CPLX1: variants seen among roughly 807,000 people sequenced by gnomAD.
CPLX1 encodes the protein complexin-1.
CPLX1 carries 6 observed loss-of-function variants against 15.6 expected under a neutral mutation model. The ratio of observed to expected loss-of-function variants is 0.39; its 90% CI spans 0.21 to 0.76. The LOEUF (loss-of-function observed/expected upper bound fraction) is 0.76, where lower values mean the gene tolerates loss of function less well. Ranked by LOEUF, CPLX1 falls within the 30% of genes least tolerant of loss-of-function variation. The pLI is 0.43. For synonymous variants in CPLX1, 91 were observed against 75.2 expected (o/e 1.21, Z -1.08); for missense variants, 242 against 188.6 (o/e 1.28, Z -1.66).
chr4:812,694 G>A (rs1349548731), intron 2 of CPLX1, among the ~76,000 whole-genome samples: 4 of 152,128 alleles, frequency 2.6e-5, no homozygotes, highest in Non-Finnish European at 5.9e-5. Context: ...GGCCAGGCAC[G>A]GTGGCTCACG....
chr4:807,460 T>C (rs989091298), intron 2 of CPLX1, among the ~76,000 whole-genome samples: 1 of 152,094 alleles, frequency 6.6e-6, no homozygotes, highest in African/African-American at 2.4e-5. Flanking sequence ...ATCCTGCACA[T>C]GTATCCCGGA....
Position 804,922 on chromosome 4 carries a change from T to C in CPLX1, c.32-12314A>G, listed in dbSNP as rs537343889. On this transcript the variant is annotated intron_variant, in intron 2 of 3. Coordinates refer to ENST00000304062, the MANE Select transcript of CPLX1 (RefSeq NM_006651.4). ...GGCAGCCATTTTGGAACGCAGTGCG[T>C]CGCCGCGAGCACGTGCGGAGTTCAC... The C allele has an allele frequency of 2.7e-3, 2,509 of 922,776 alleles. 6 individuals carry two copies. The highest frequency in any genetic ancestry group is 3.1e-3 in the Non-Finnish European group (2,401 of 773,626). 57.2% of individuals were successfully genotyped at this position (922,776 alleles called of 1,614,324 possible). A position where few individuals can be genotyped will look rare whatever the true frequency, so the allele number is the denominator to read the frequency against.
intron 3 of CPLX1, chr4:787,789 C>T (rs73222839): frequency 3.0e-5 from 30 of 985,206 alleles, no homozygotes; most frequent in African/African-American, 3.5e-5. Flanking sequence ...CCAGCCCTCC[C>T]GTGAGCCACC....
At chr4:790,916 C>T (rs1165242296) in intron 3 of CPLX1, among the ~76,000 whole-genome samples, 2 of 146,414 alleles carry the variant, frequency 1.4e-5, no homozygotes, top group Non-Finnish European at 1.5e-5. Context: ...TCTCTCTCCC[C>T]TCTCTCTTTC....
At chr4:820,731 C>A (rs1168058273) in intron 2 of CPLX1, among the ~76,000 whole-genome samples, 1 of 106,822 alleles carries the variant, frequency 9.4e-6, no homozygotes, top group Non-Finnish European at 2.2e-5. Flanking sequence ...CCCAACTGCA[C>A]CCCTCACCAG....
At chr4:824,450 A>C in intron 2 of CPLX1, 42 bp downstream of exon 2, 1 of 1,574,202 alleles carries the variant, frequency 6.4e-7, no homozygotes, top group Non-Finnish European at 8.7e-7. Flanking sequence ...TGGTCTCTCC[A>C]TGTCCCCTCA....
At chr4:796,988 G>C (rs528947303) in intron 2 of CPLX1, among the ~76,000 whole-genome samples, 1 of 152,342 alleles carries the variant, frequency 6.6e-6, no homozygotes, top group East Asian at 1.9e-4. Flanking sequence ...ACCAGAGACA[G>C]AGGTGGAGGC....
At chr4:811,676 AAAG>A (rs1275489106) in intron 2 of CPLX1, among the ~76,000 whole-genome samples, 2 of 152,220 alleles carry the variant, frequency 1.3e-5, no homozygotes, top group Non-Finnish European at 2.9e-5. Context: ...GTGTGCCTGA[AAAG>A]AAGAAGGACT....
intron 2 of CPLX1, among the ~76,000 whole-genome samples, chr4:801,563 CTG>C (rs946140584): frequency 1.3e-5 from 2 of 152,246 alleles, no homozygotes; most frequent in Non-Finnish European, 2.9e-5. Context: ...ATACTCACCA[CTG>C]TGTTACAACT....
chr4:820,628 G>A (rs1291695094), intron 2 of CPLX1, among the ~76,000 whole-genome samples: 1 of 152,134 alleles, frequency 6.6e-6, no homozygotes, highest in Non-Finnish European at 1.5e-5. Flanking sequence ...GGAGGGCTGG[G>A]GGAGATGCTG....
intron 3 of CPLX1, among the ~76,000 whole-genome samples, chr4:791,298 G>A (rs763145985): frequency 1.1e-4 from 16 of 151,558 alleles, no homozygotes; most frequent in Non-Finnish European, 2.2e-4. Flanking sequence ...CAGGGCGCCC[G>A]GCCCCCACTC....
intron 2 of CPLX1, among the ~76,000 whole-genome samples, chr4:796,611 G>A (rs1391876381): frequency 1.3e-5 from 2 of 152,164 alleles, no homozygotes; most frequent in East Asian, 1.9e-4. Flanking sequence ...ATGGAAAAAT[G>A]CTTTTTAACT....
chr4:818,810 T>C (rs11248042), intron 2 of CPLX1, among the ~76,000 whole-genome samples: 54,634 of 152,152 alleles, frequency 0.36, 10,259 homozygotes, highest in East Asian at 0.62. Flanking sequence ...ATTGAAGAGC[T>C]GGGCGCTCGG....
intron 2 of CPLX1, among the ~76,000 whole-genome samples, chr4:810,055 T>TC (rs1483926774): frequency 6.8e-6 from 1 of 148,006 alleles, no homozygotes; most frequent in Non-Finnish European, 1.5e-5. Context: ...TTCTTTTTTT[T>TC]TTTTTTTTTT....
rs190289613 is a variant in CPLX1 at position 823,568 on chromosome 4, C to T, written c.31+924G>A. On this transcript the variant is annotated intron_variant, in intron 2 of 3. Coordinates refer to ENST00000304062, the MANE Select transcript of CPLX1 (RefSeq NM_006651.4). ...AGACGTCTCTAGTGGTAGAATCGGG[C>T]ACCGGCCACAGGTTCCCCTCACAGG... Among the ~76,000 whole-genome samples, 194 of 152,344 alleles carry T rather than the reference C, an allele frequency of 1.3e-3. 2 individuals carry two copies. Among genetic ancestry groups the T allele is most frequent in the Middle Eastern group, 6.8e-3 (2 of 294 alleles).
chr4:818,906 C>T (rs1014847707), intron 2 of CPLX1, among the ~76,000 whole-genome samples: 5 of 152,328 alleles, frequency 3.3e-5, no homozygotes, highest in South Asian at 2.1e-4. Flanking sequence ...CGCCTCATCC[C>T]GGGGGACCGC....
intron 2 of CPLX1, among the ~76,000 whole-genome samples, chr4:816,255 G>A (rs1428512757): frequency 7.9e-6 from 1 of 127,006 alleles, no homozygotes; most frequent in Non-Finnish European, 1.6e-5. Flanking sequence ...GTCTCACTCT[G>A]TCACCCAGGC....
intron 2 of CPLX1, among the ~76,000 whole-genome samples, chr4:822,587 G>C (rs1485563482): frequency 6.6e-6 from 1 of 152,022 alleles, no homozygotes. Context: ...GCCTTTCTTT[G>C]AACGGCTTCC....
At chr4:822,353 C>T (rs1247993082) in intron 2 of CPLX1, among the ~76,000 whole-genome samples, 1 of 151,582 alleles carries the variant, frequency 6.6e-6, no homozygotes, top group East Asian at 1.9e-4. Context: ...CTCTGTTTCT[C>T]CCTGTCTCTG....
Sources: allele counts gnomAD v4.1 joint callset (sites outside exome capture counted in the v4.1 genomes callset), GRCh38; gene constraint gnomAD v4.1.1; transcripts MANE v1.5; gene names NCBI Gene and HGNC (gene_info 2026-07-23, HGNC 2026-07-21).